The following NAALADL2 variants were observed in gnomAD, a reference collection of about 807,000 sequenced individuals.
NAALADL2 encodes inactive N-acetylated-alpha-linked acidic dipeptidase-like protein 2.
NAALADL2 carries 76 observed loss-of-function variants against 87.2 expected under a neutral mutation model. The ratio of observed to expected loss-of-function variants is 0.87; its 90% CI spans 0.72 to 1.05. NAALADL2 has a LOEUF of 1.05. Among genes scored for constraint, NAALADL2 ranks in the 50% least tolerant of loss-of-function variants. NAALADL2 has a pLI of 0.00. For synonymous variants in NAALADL2, 354 were observed against 331.0 expected (o/e 1.07, Z -0.75); for missense variants, 1,089 against 945.8 (o/e 1.15, Z -1.99).
chr3:175,805,401 A>T lies in NAALADL2; in HGVS notation c.*2198A>T, dbSNP rs1754612878. 6.6e-6 allele frequency: 1 copy of T among 151,864 alleles called. No individual in the cohort carries two copies. The highest frequency in any genetic ancestry group is 1.5e-5 in the Non-Finnish European group (1 of 67,874). The allele number at this position is 151,864 out of a possible 1,614,324, so 9.4% of individuals were successfully genotyped here. On this transcript the variant is annotated 3_prime_UTR_variant, in exon 14 of 14. Transcript: ENST00000454872. ...ATGTTATTTGCTATTTGAAAACTGT[A>T]GTTAACTATGGTTTTTTATTAGTCT...
At chr3:175,787,454 G>T (rs1007572538) in intron 13 of NAALADL2, among the ~76,000 whole-genome samples, 2 of 152,240 alleles carry the variant, frequency 1.3e-5, no homozygotes, top group South Asian at 4.1e-4. Context: ...CACAATATTC[G>T]GATGGGAGTG....
intron 2 of NAALADL2, among the ~76,000 whole-genome samples, chr3:174,566,370 G>A (rs1473978): frequency 0.49 from 74,790 of 151,508 alleles, 21,146 homozygotes; most frequent in East Asian, 0.81. Context: ...GATGTGAAGG[G>A]GTTTGTTACC....
At chr3:175,126,205 C>T (rs1012968188) in intron 2 of NAALADL2, among the ~76,000 whole-genome samples, 1 of 151,750 alleles carries the variant, frequency 6.6e-6, no homozygotes, top group African/African-American at 2.4e-5. Flanking sequence ...CAGGTGAGAC[C>T]AGAAAAGAGG....
At chr3:174,687,460 G>A (rs1457034174) in intron 2 of NAALADL2, among the ~76,000 whole-genome samples, 1 of 151,938 alleles carries the variant, frequency 6.6e-6, no homozygotes, top group Non-Finnish European at 1.5e-5. Context: ...TGGATTTAGA[G>A]GTGATTCGCT....
chr3:175,136,583 G>A (rs972223089), intron 2 of NAALADL2, among the ~76,000 whole-genome samples: 19 of 151,964 alleles, frequency 1.3e-4, no homozygotes, highest in African/African-American at 4.4e-4. Context: ...CAGACATTGT[G>A]ATGCAAATTT....
intron 5 of NAALADL2, among the ~76,000 whole-genome samples, chr3:175,428,214 G>A (rs935301522): frequency 6.6e-6 from 1 of 152,040 alleles, no homozygotes; most frequent in Non-Finnish European, 1.5e-5. Context: ...TCTGTACCTT[G>A]ACTTCTGTAC....
intron 3 of NAALADL2, among the ~76,000 whole-genome samples, chr3:174,745,703 G>A (rs1217569746): frequency 6.6e-6 from 1 of 152,142 alleles, no homozygotes; most frequent in East Asian, 1.9e-4. Flanking sequence ...TAAAATATGA[G>A]CAAACCGAAT....
chr3:175,052,412 C>T (rs1755531593), intron 1 of NAALADL2, among the ~76,000 whole-genome samples: 1 of 152,200 alleles, frequency 6.6e-6, no homozygotes, highest in Admixed American at 6.5e-5. Context: ...TGTTCTCCTT[C>T]TTTGATTTGC....
At chr3:174,715,275 A>C (rs1292072035) in intron 2 of NAALADL2, among the ~76,000 whole-genome samples, 1 of 152,158 alleles carries the variant, frequency 6.6e-6, no homozygotes. Flanking sequence ...CAACCAGTTT[A>C]TTTTAGCAGG....
chr3:174,898,134 A>G (rs1027168995), intron 1 of NAALADL2, among the ~76,000 whole-genome samples: 1 of 132,908 alleles, frequency 7.5e-6, no homozygotes, highest in African/African-American at 3.6e-5. Flanking sequence ...AAAAAAAAAA[A>G]AAAAAAAAAG....
At chr3:174,720,507 A>T (rs1731611129) in intron 2 of NAALADL2, among the ~76,000 whole-genome samples, 1 of 152,188 alleles carries the variant, frequency 6.6e-6, no homozygotes, top group African/African-American at 2.4e-5. Context: ...CTTTGTTATA[A>T]TTTAGACAAC....
chr3:174,876,673 T>C (rs1728547663), intron 1 of NAALADL2, among the ~76,000 whole-genome samples: 1 of 152,160 alleles, frequency 6.6e-6, no homozygotes, highest in Non-Finnish European at 1.5e-5. Flanking sequence ...CTGAGAATCT[T>C]TGTAGCTAAA....
chr3:175,274,741 T>G (rs779538771), intron 4 of NAALADL2, among the ~76,000 whole-genome samples: 4 of 152,154 alleles, frequency 2.6e-5, no homozygotes, highest in Non-Finnish European at 5.9e-5. Flanking sequence ...CACAAAGTGT[T>G]CAGTTAGTGA....
chr3:175,353,589 T>C (rs1560416293), intron 5 of NAALADL2, among the ~76,000 whole-genome samples: 1 of 152,194 alleles, frequency 6.6e-6, no homozygotes, highest in Non-Finnish European at 1.5e-5. Context: ...ATATAGCTGG[T>C]TTCTTGCTTT....
chr3:175,005,809 A>C (rs1192766309), intron 1 of NAALADL2, among the ~76,000 whole-genome samples: 4 of 152,182 alleles, frequency 2.6e-5, no homozygotes, highest in African/African-American at 9.6e-5. Context: ...TTAAGAGATC[A>C]AAAAGTTGCT....
chr3:174,763,782 A>G (rs1261290097), intron 3 of NAALADL2, among the ~76,000 whole-genome samples: 2 of 150,910 alleles, frequency 1.3e-5, no homozygotes, highest in Non-Finnish European at 1.5e-5. Context: ...ATAAAGATCT[A>G]TACATCAGTT....
chr3:175,751,533 G>A (rs1746628412), intron 12 of NAALADL2, among the ~76,000 whole-genome samples: 1 of 152,034 alleles, frequency 6.6e-6, no homozygotes, highest in Non-Finnish European at 1.5e-5. Flanking sequence ...TATGCACTTA[G>A]AAACTTACAT....
intron 4 of NAALADL2, among the ~76,000 whole-genome samples, chr3:175,289,769 T>A (rs1755423577): frequency 6.6e-6 from 1 of 152,104 alleles, no homozygotes; most frequent in Non-Finnish European, 1.5e-5. Flanking sequence ...GAATCCTGCC[T>A]GGGCAACATA....
At chr3:174,458,473 T>A (rs1715994713) in intron 1 of NAALADL2, 1 of 152,246 alleles carries the variant, frequency 6.6e-6, no homozygotes. Flanking sequence ...ATTTTCCTTT[T>A]CTTTCCCTCT....
Sources: gnomAD v4.1 joint callset for allele counts (sites outside exome capture counted in the v4.1 genomes callset) on GRCh38, gnomAD v4.1.1 for gene constraint, MANE v1.5 for transcripts, NCBI Gene and HGNC (gene_info 2026-07-23, HGNC 2026-07-21) for gene names.